Variants in GRM7 observed in about 807,000 individuals in gnomAD.
GRM7 encodes the protein glutamate metabotropic receptor 7.
In GRM7, 35 loss-of-function variants were observed where a neutral mutation model predicts 84.5. The observed-to-expected ratio is 0.41, with a 90% confidence interval of 0.32 to 0.55. The LOEUF (loss-of-function observed/expected upper bound fraction) is 0.55. Ranked by LOEUF, GRM7 falls within the 20% of genes least tolerant of loss-of-function variation. The pLI is 0.19. For missense variants in GRM7, 1,003 were observed against 1,194.6 expected, an observed-to-expected ratio of 0.84 and a Z score of 2.36; for synonymous variants, 487 against 455.1, an observed-to-expected ratio of 1.07 and a Z score of -0.89.
At chr3:7,298,582 T>G in intron 2 of GRM7, 102 bp from the exon 3 acceptor site, 1 of 919,660 alleles carries the variant, frequency 1.1e-6, no homozygotes, top group Non-Finnish European at 1.7e-6. Context: ...AAGGAAGTAT[T>G]GCATATCCGG....
At chr3:7,283,031 T>C (rs1161281401) in intron 2 of GRM7, among the ~76,000 whole-genome samples, 1 of 152,154 alleles carries the variant, frequency 6.6e-6, no homozygotes, top group Non-Finnish European at 1.5e-5. Flanking sequence ...TCTATTTCAG[T>C]TCTGCTTGGT....
chr3:7,318,202 GT>G (rs1237824285), intron 4 of GRM7, among the ~76,000 whole-genome samples: 4 of 151,982 alleles, frequency 2.6e-5, no homozygotes, highest in South Asian at 2.1e-4. Flanking sequence ...CAATTTATTT[GT>G]TTTTTTATCA....
At chr3:7,133,150 G>A (rs538984957) in intron 1 of GRM7, among the ~76,000 whole-genome samples, 1 of 152,180 alleles carries the variant, frequency 6.6e-6, no homozygotes, top group Non-Finnish European at 1.5e-5. Flanking sequence ...AGGTGGCTAG[G>A]AAACACAAGG....
intron 1 of GRM7, among the ~76,000 whole-genome samples, chr3:7,082,807 GA>G (rs1194612128): frequency 6.6e-6 from 1 of 152,104 alleles, no homozygotes; most frequent in African/African-American, 2.4e-5. Flanking sequence ...GACACCAATG[GA>G]AAAAGTGAAC....
chr3:7,099,183 C>CAT (rs112788452), intron 1 of GRM7, among the ~76,000 whole-genome samples: 4,011 of 146,462 alleles, frequency 0.027, 180 homozygotes, highest in African/African-American at 0.086. Context: ...GGTTTAATTG[C>CAT]ATATATATAT....
intron 9 of GRM7, chr3:7,686,412 C>T: frequency 6.4e-7 from 1 of 1,553,038 alleles, no homozygotes; most frequent in Non-Finnish European, 8.9e-7. Flanking sequence ...GGTACACTAT[C>T]CCACCAACAG....
At chr3:7,343,405 G>A (rs1251509338) in intron 4 of GRM7, among the ~76,000 whole-genome samples, 1 of 151,790 alleles carries the variant, frequency 6.6e-6, no homozygotes, top group South Asian at 2.1e-4. Flanking sequence ...GTGGAGACGG[G>A]GTCTCACTAT....
chr3:7,007,508 A>G (rs1695222960), intron 1 of GRM7, among the ~76,000 whole-genome samples: 2 of 152,196 alleles, frequency 1.3e-5, no homozygotes, highest in Non-Finnish European at 2.9e-5. Context: ...GGAATAGCTC[A>G]GAGTCTCTAA....
chr3:7,552,754 C>A (rs1575485781), intron 7 of GRM7, among the ~76,000 whole-genome samples: 2 of 152,326 alleles, frequency 1.3e-5, no homozygotes, highest in East Asian at 3.9e-4. Context: ...AGCAGCGAGG[C>A]CCGGGGCCTA....
intron 4 of GRM7, among the ~76,000 whole-genome samples, chr3:7,326,337 C>T (rs1700986383): frequency 6.6e-6 from 1 of 151,980 alleles, no homozygotes; most frequent in Non-Finnish European, 1.5e-5. Flanking sequence ...GGTGGGACGG[C>T]AGGTGAGTTA....
intron 2 of GRM7, among the ~76,000 whole-genome samples, chr3:7,261,443 T>G (rs979150593): frequency 2.0e-5 from 3 of 152,204 alleles, no homozygotes; most frequent in African/African-American, 7.2e-5. Flanking sequence ...ATCCATTTGC[T>G]TGGTAGATTT....
chr3:7,327,743 G>C (rs1319175834), intron 4 of GRM7, among the ~76,000 whole-genome samples: 1 of 152,152 alleles, frequency 6.6e-6, no homozygotes, highest in Non-Finnish European at 1.5e-5. Flanking sequence ...ACACGAGGTG[G>C]ACCAGGTGGG....
At chr3:7,412,120 T>C (rs1247795305) in intron 4 of GRM7, among the ~76,000 whole-genome samples, 1 of 152,166 alleles carries the variant, frequency 6.6e-6, no homozygotes, top group African/African-American at 2.4e-5. Context: ...GTTAGTGTCA[T>C]ATGCCTATGA....
chr3:6,943,369 A>T (rs1421022395), intron 1 of GRM7, among the ~76,000 whole-genome samples: 1 of 151,624 alleles, frequency 6.6e-6, no homozygotes, highest in Non-Finnish European at 1.5e-5. Flanking sequence ...TTTTTCATTA[A>T]TTTTTCTATA....
intron 6 of GRM7, among the ~76,000 whole-genome samples, chr3:7,459,550 G>A (rs1292406251): frequency 1.3e-5 from 2 of 152,052 alleles, no homozygotes; most frequent in Non-Finnish European, 2.9e-5. Context: ...CAAAAGGCAC[G>A]TCTTTACATG....
At chr3:7,675,856 C>CT (rs1307731889) in intron 8 of GRM7, among the ~76,000 whole-genome samples, 2 of 152,182 alleles carry the variant, frequency 1.3e-5, no homozygotes, top group Non-Finnish European at 2.9e-5. Context: ...ATTTTCCAGG[C>CT]TTTCTGCTAA....
chr3:7,161,833 C>A (rs568115447), intron 2 of GRM7, among the ~76,000 whole-genome samples: 3 of 152,216 alleles, frequency 2.0e-5, no homozygotes, highest in African/African-American at 4.8e-5. Flanking sequence ...AACCATATAG[C>A]GTTAGGCAAA....
At chr3:7,087,230 G>C (rs1698489273) in intron 1 of GRM7, among the ~76,000 whole-genome samples, 1 of 152,026 alleles carries the variant, frequency 6.6e-6, no homozygotes, top group Non-Finnish European at 1.5e-5. Context: ...AATGTTCCTG[G>C]AATATTAAAC....
chr3:7,483,060 T>C (rs1398428023), intron 7 of GRM7, among the ~76,000 whole-genome samples: 1 of 152,090 alleles, frequency 6.6e-6, no homozygotes, highest in African/African-American at 2.4e-5. Flanking sequence ...TAACAAGAGG[T>C]GAAGAATGAG....
Sources: allele counts gnomAD v4.1 joint callset (sites outside exome capture counted in the v4.1 genomes callset), GRCh38; gene constraint gnomAD v4.1.1; transcripts MANE v1.5; gene names NCBI Gene and HGNC (gene_info 2026-07-23, HGNC 2026-07-21).